CATSPERD: variants seen among roughly 807,000 people sequenced by gnomAD.
CATSPERD encodes cation channel sperm-associated auxiliary subunit delta.
Under a neutral mutation model 98.1 loss-of-function variants are expected in CATSPERD, and 86 were observed. That is an observed-to-expected ratio of 0.88 (90% CI 0.74 to 1.05). The LOEUF (loss-of-function observed/expected upper bound fraction) is 1.05. CATSPERD is among the 50% of genes least tolerant of loss of function. CATSPERD has a pLI of 0.00. For synonymous variants in CATSPERD, 394 were observed against 390.2 expected, an observed-to-expected ratio of 1.01 and a Z score of -0.12; for missense variants, 995 against 1,005.7, an observed-to-expected ratio of 0.99 and a Z score of 0.14.
intron 20 of CATSPERD, 84 bp from the exon 21 acceptor site, chr19:5,776,077 T>A: frequency 1.4e-6 from 2 of 1,472,058 alleles, no homozygotes; most frequent in South Asian, 2.5e-5. Context: ...CTGGGGTGGG[T>A]GCAGGGCCTC....
intron 8 of CATSPERD, 24 bp from the exon 9 acceptor site, chr19:5,745,889 C>T (rs2056083261): frequency 1.7e-5 from 28 of 1,612,706 alleles, no homozygotes; most frequent in Non-Finnish European, 2.4e-5. Flanking sequence ...TGGGGAGAGG[C>T]TGAATGGTGT....
rs1042518586 is a variant in CATSPERD, at chr19:5,754,152, A to C, written c.1185A>C (p.Glu395Asp). The part of the protein sequence containing the change: ...GKCKIEFLTG[E>D]FIYRMYTIDM... ...ACTAGATAGAGTTTCTGACAGGAGA[A>C]TTTATATACAGGATGTATACCATTG... is the stretch of plus-strand genomic sequence containing the variant. The change falls in exon 13 of 22, where the codon GAA becomes GAC. Residue 395 changes from glutamate (E) to aspartate (D), a missense_variant. Coordinates refer to ENST00000381624, the MANE Select transcript of CATSPERD (RefSeq NM_152784.4). 1 of 1,612,242 alleles carries C rather than the reference A, an allele frequency of 6.2e-7. No individual in the cohort carries two copies. The highest frequency in any genetic ancestry group is 1.1e-5 in the South Asian group (1 of 91,024).
At chr19:5,762,058 A>ATATATTTTTTTTTTTTT in intron 15 of CATSPERD, among the ~76,000 whole-genome samples, 1 of 10,442 alleles carries the variant, frequency 9.6e-5, no homozygotes, top group African/African-American at 3.3e-4. Flanking sequence ...ATATATATAT[A>ATATATTTTTTTTTTTTT]TTTTTTTTTT....
chr19:5,744,343 C>T (rs2056054707), intron 7 of CATSPERD, 84 bp from the exon 8 acceptor site: 12 of 1,162,278 alleles, frequency 1.0e-5, no homozygotes, highest in Admixed American at 2.0e-5. Context: ...TTCATTGTAA[C>T]TTATTAGATA....
At chr19:5,767,200 C>T (rs1036179188) in intron 17 of CATSPERD, among the ~76,000 whole-genome samples, 1 of 148,656 alleles carries the variant, frequency 6.7e-6, no homozygotes, top group Non-Finnish European at 1.5e-5. Context: ...GCCTGTAGTC[C>T]CAGCTACTCG....
At chr19:5,760,620 G>A (rs946587487) in intron 15 of CATSPERD, among the ~76,000 whole-genome samples, 1 of 151,980 alleles carries the variant, frequency 6.6e-6, no homozygotes, top group African/African-American at 2.4e-5. Context: ...GTTTCATGAG[G>A]ACCAAGTTTC....
chr19:5,739,091 C>T (rs1249581271), intron 6 of CATSPERD, among the ~76,000 whole-genome samples: 1 of 152,012 alleles, frequency 6.6e-6, no homozygotes, highest in East Asian at 1.9e-4. Context: ...TCTTGAACTC[C>T]TGGTCTCAAG....
At chr19:5,741,897 G>T (rs565137578) in intron 7 of CATSPERD, among the ~76,000 whole-genome samples, 3 of 151,058 alleles carry the variant, frequency 2.0e-5, no homozygotes, top group African/African-American at 7.3e-5. Flanking sequence ...TGGGTGTGGC[G>T]GCTGGCGTGC....
intron 16 of CATSPERD, among the ~76,000 whole-genome samples, chr19:5,764,235 A>ACT (rs2056497501): frequency 6.8e-6 from 1 of 146,968 alleles, no homozygotes. Flanking sequence ...CACCTGGCCA[A>ACT]TTTTTTTTTT....
intron 7 of CATSPERD, among the ~76,000 whole-genome samples, chr19:5,739,838 CAAA>C (rs1186618349): frequency 2.7e-5 from 1 of 36,566 alleles, no homozygotes; most frequent in Non-Finnish European, 5.7e-5. Context: ...GACCTCATCT[CAAA>C]AAAAAAAAAA....
intron 1 of CATSPERD, among the ~76,000 whole-genome samples, chr19:5,721,943 C>A (rs946924514): frequency 2.7e-5 from 4 of 148,060 alleles, no homozygotes; most frequent in African/African-American, 1.0e-4. Context: ...GAGCTGAGAT[C>A]GCACTCCAGC....
chr19:5,747,214 C>A (rs557601398), intron 9 of CATSPERD, among the ~76,000 whole-genome samples: 5 of 137,562 alleles, frequency 3.6e-5, no homozygotes, highest in African/African-American at 1.4e-4. Flanking sequence ...ACTCTGTCAT[C>A]GAGACTGGAG....
chr19:5,775,387 C>T, intron 20 of CATSPERD: 1 of 426,334 alleles, frequency 2.3e-6, no homozygotes, highest in Non-Finnish European at 4.8e-6. Flanking sequence ...CCTGTAATCC[C>T]AGCACTTTGG....
chr19:5,748,117 G>T (rs1015326903), intron 9 of CATSPERD, 43 bp from the exon 10 acceptor site: 1 of 1,533,924 alleles, frequency 6.5e-7, no homozygotes, highest in Non-Finnish European at 9.0e-7. Flanking sequence ...CCCTTTCCCA[G>T]GATGTACACG....
chr19:5,775,464 C>CATCTCTACT (rs1427870659), intron 20 of CATSPERD, among the ~76,000 whole-genome samples: 1 of 143,220 alleles, frequency 7.0e-6, no homozygotes, highest in East Asian at 2.0e-4. Flanking sequence ...GGTGAAACCC[C>CATCTCTACT]ATCTCTACTA....
intron 15 of CATSPERD, among the ~76,000 whole-genome samples, chr19:5,759,597 C>A (rs182976963): frequency 4.4e-4 from 65 of 149,366 alleles, no homozygotes; most frequent in African/African-American, 1.5e-3. Context: ...CAAAAATAAG[C>A]CAAGTGTAGT....
At chr19:5,736,574 A>G (rs777215630) in intron 5 of CATSPERD, among the ~76,000 whole-genome samples, 1 of 151,916 alleles carries the variant, frequency 6.6e-6, no homozygotes, top group Admixed American at 6.6e-5. Flanking sequence ...AAAATTAGCC[A>G]GGCATGGTGG....
At chr19:5,771,224 C>T in intron 19 of CATSPERD, 152 bp downstream of exon 19, 1 of 885,588 alleles carries the variant, frequency 1.1e-6, no homozygotes, top group Non-Finnish European at 1.7e-6. Context: ...CCCAGCCCCA[C>T]TGGCCCCCAG....
At chr19:5,748,977 C>A (rs376300173) in intron 10 of CATSPERD, 124 bp from the exon 11 acceptor site, 7 of 640,268 alleles carry the variant, frequency 1.1e-5, no homozygotes, top group Admixed American at 8.2e-5. Flanking sequence ...TGATCCACCC[C>A]CCTCGGCCTC....
Sources: gnomAD v4.1 joint callset for allele counts (sites outside exome capture counted in the v4.1 genomes callset) on GRCh38, gnomAD v4.1.1 for gene constraint, MANE v1.5 for transcripts, NCBI Gene and HGNC (gene_info 2026-07-23, HGNC 2026-07-21) for gene names.